Variants in OSGIN2 observed in about 807,000 individuals in gnomAD.
OSGIN2 encodes oxidative stress-induced growth inhibitor 2.
In OSGIN2, 19 loss-of-function variants were observed where a neutral mutation model predicts 53.8. That is an observed-to-expected ratio of 0.35 (90% CI 0.25 to 0.52). The LOEUF is 0.52. Among genes scored for constraint, OSGIN2 ranks in the 20% least tolerant of loss-of-function variants. The probability of loss-of-function intolerance (pLI) is 0.95; values close to 1 mark genes in which losing one functional copy is unlikely to be tolerated. For missense variants in OSGIN2, 520 were observed against 662.7 expected (o/e 0.78, Z 2.36); for synonymous variants, 236 against 236.0 (o/e 1.00, Z 0.00).
chr8:89,914,981 C>A (rs530004077), intron 4 of OSGIN2, among the ~76,000 whole-genome samples: 1 of 152,100 alleles, frequency 6.6e-6, no homozygotes, highest in Non-Finnish European at 1.5e-5. Flanking sequence ...TACTATCTTA[C>A]AAGAATTATG....
Position 89,909,554 on chromosome 8 carries a change from T to C in OSGIN2, c.45-13T>C, listed in dbSNP as rs1411685460. 1 of 1,425,430 alleles carries C rather than the reference T, an allele frequency of 7.0e-7. No homozygotes were observed. The highest frequency in any genetic ancestry group is 1.5e-5 in the South Asian group (1 of 68,886). 88.3% of individuals were successfully genotyped at this position (1,425,430 alleles called of 1,614,324 possible). On this transcript the variant is annotated splice_polypyrimidine_tract_variant and intron_variant, in intron 1 of 5. Transcript: ENST00000451899. The stretch of plus-strand genomic sequence containing the variant: ...CTATATCTCTTTTTATTCCCCCTTT[T>C]TTTTTTTTAAAGAAACTATAGTGAC...
intron 1 of OSGIN2, among the ~76,000 whole-genome samples, chr8:89,904,226 A>T (rs1808789543): frequency 6.6e-6 from 1 of 152,244 alleles, no homozygotes; most frequent in Non-Finnish European, 1.5e-5. Flanking sequence ...CCCTAGTGAA[A>T]CTTGTTAAAC....
chr8:89,908,332 G>A (rs1200368528), intron 1 of OSGIN2, among the ~76,000 whole-genome samples: 1 of 152,118 alleles, frequency 6.6e-6, no homozygotes, highest in Non-Finnish European at 1.5e-5. Flanking sequence ...CCAAATATTT[G>A]GGGTACAGGT....
intron 1 of OSGIN2, among the ~76,000 whole-genome samples, chr8:89,904,894 TGA>T (rs1808802934): frequency 8.5e-5 from 13 of 152,196 alleles, no homozygotes; most frequent in Admixed American, 8.5e-4. Flanking sequence ...GGATAAGTAG[TGA>T]GAGAACTGTC....
chr8:89,907,446 A>G (rs1808863281), intron 1 of OSGIN2, among the ~76,000 whole-genome samples: 1 of 152,170 alleles, frequency 6.6e-6, no homozygotes, highest in Non-Finnish European at 1.5e-5. Flanking sequence ...TGTATGTGGT[A>G]TAAGGAAGGT....
In OSGIN2 at chr8:89,926,145, T is replaced by G. The variant is rs1809327693; in HGVS notation, c.*613T>G. The G allele has an allele frequency of 6.6e-6, 1 of 152,220 alleles. No homozygotes were observed. The highest frequency in any genetic ancestry group is 2.4e-5 in the African/African-American group (1 of 41,450). The allele number at this position is 152,220 out of a possible 1,614,324, so 9.4% of individuals were successfully genotyped here. On this transcript the variant is annotated 3_prime_UTR_variant, in exon 6 of 6. Transcript: ENST00000451899. The stretch of plus-strand genomic sequence containing the variant: ...GTAGGAGGCATTTACAACTCAGATT[T>G]TATTTATTTTGAAATTATCAATTGT...
chr8:89,903,590 T>C (rs1181574281), intron 1 of OSGIN2, among the ~76,000 whole-genome samples: 1 of 152,206 alleles, frequency 6.6e-6, no homozygotes, highest in African/African-American at 2.4e-5. Flanking sequence ...TGGTAAAATA[T>C]GAAATTTTGA....
intron 4 of OSGIN2, among the ~76,000 whole-genome samples, chr8:89,916,669 C>T (rs1292043824): frequency 6.6e-6 from 1 of 152,192 alleles, no homozygotes; most frequent in Non-Finnish European, 1.5e-5. Context: ...GATCTAGTTT[C>T]TCATCACTCT....
At position 89,909,730 on chromosome 8, in the gene OSGIN2, T is replaced by C. The variant is rs760274725; in HGVS notation, c.199+9T>C. 19 of 1,557,390 alleles carry C rather than the reference T, an allele frequency of 1.2e-5. No individual in the cohort carries two copies. The highest frequency in any genetic ancestry group is 3.5e-5 in the Admixed American group (2 of 57,704). The stretch of plus-strand genomic sequence containing the variant: ...TCCTGTGGTAATAATAGGTAAGTTA[T>C]TGTATTTTATCTTTTAAAATTATAG... On this transcript the variant is annotated intron_variant, in intron 2 of 5. Transcript: ENST00000451899.
intron 4 of OSGIN2, among the ~76,000 whole-genome samples, chr8:89,919,063 A>G (rs6986890): frequency 0.095 from 14,489 of 152,244 alleles, 2,174 homozygotes; most frequent in African/African-American, 0.32. Flanking sequence ...CTCTCCATCT[A>G]ACATATAGTA....
intron 1 of OSGIN2, among the ~76,000 whole-genome samples, chr8:89,904,555 C>T (rs1444648972): frequency 2.6e-5 from 4 of 152,014 alleles, no homozygotes; most frequent in African/African-American, 4.8e-5. Flanking sequence ...TTTACCAGCT[C>T]CTTCAGGAAT....
chr8:89,903,779 C>T (rs1808780606), intron 1 of OSGIN2, among the ~76,000 whole-genome samples: 1 of 152,186 alleles, frequency 6.6e-6, no homozygotes, highest in Non-Finnish European at 1.5e-5. Context: ...GTTTATATCA[C>T]ATTGCAGTTA....
chr8:89,906,579 C>T (rs1468557157), intron 1 of OSGIN2, among the ~76,000 whole-genome samples: 1 of 151,620 alleles, frequency 6.6e-6, no homozygotes, highest in Non-Finnish European at 1.5e-5. Flanking sequence ...GGGCCTCCAG[C>T]TCCATCTATG....
intron 1 of OSGIN2, among the ~76,000 whole-genome samples, chr8:89,904,693 G>C (rs1366033914): frequency 6.6e-6 from 1 of 152,124 alleles, no homozygotes; most frequent in Non-Finnish European, 1.5e-5. Flanking sequence ...GTGTGCACCT[G>C]TAATCCCAGC....
rs1809276417 is a variant in OSGIN2 at position 89,924,638 on chromosome 8, A to T, written c.756A>T (p.Gln252His). Residue 252 changes from glutamine to histidine, a missense_variant, in exon 6 of 6, where the codon CAA becomes CAT. Transcript: ENST00000451899. ...CCGTATCAAGACTCTACAGAGATCA[A>T]GATGATGATGATATTCAAGACAGAG... is the stretch of plus-strand genomic sequence containing the variant. ...ITSVSRLYRD[Q>H]DDDDIQDRDI... 3.1e-6 allele frequency: 5 copies of T among 1,613,904 alleles called. No homozygotes were observed. Among genetic ancestry groups the T allele is most frequent in the South Asian group, 1.1e-5 (1 of 91,084 alleles).
Position 89,925,579 on chromosome 8 carries a change from T to C in OSGIN2, c.*47T>C. 6.7e-7 allele frequency: 1 copy of C among 1,484,992 alleles called. No homozygotes were observed. The highest frequency in any genetic ancestry group is 1.2e-5 in the South Asian group (1 of 82,296). 92.0% of individuals were successfully genotyped at this position (1,484,992 alleles called of 1,614,324 possible). Reference sequence around the variant, plus strand: ...AATGGACAGTTTGCCATTAAAGATTTTTAATAGTGGTTTTGCAGTGTACTG... The same window carrying C: ...AATGGACAGTTTGCCATTAAAGATTCTTAATAGTGGTTTTGCAGTGTACTG... On this transcript the variant is annotated 3_prime_UTR_variant, in exon 6 of 6. Transcript: ENST00000451899.
chr8:89,909,674 C>A lies in OSGIN2; in HGVS notation c.152C>A (p.Thr51Asn). ...AAAGCGATGCCATTAGTTGAAGAAA[C>A]TTCTTTACTGGAAGATTCGTCAGTG... ...KVKAMPLVEETSLLEDSSVTF... is the reference protein window; with the variant it reads ...KVKAMPLVEENSLLEDSSVTF... The change falls in exon 2 of 6, where the codon ACT becomes AAT. Residue 51 changes from threonine to asparagine, a missense_variant. Physicochemically the swap from Thr to Asn is moderately conservative, Grantham distance 65 (BLOSUM62 0). Transcript: ENST00000451899. The A allele has an allele frequency of 6.2e-7, 1 of 1,609,832 alleles. No individual in the cohort carries two copies.
In OSGIN2 at chr8:89,916,648, G is replaced by T. The variant is rs958952215; in HGVS notation, c.528+1902G>T. On this transcript the variant is annotated intron_variant, in intron 4 of 5. Coordinates refer to ENST00000451899, the MANE Select transcript of OSGIN2 (RefSeq NM_001126111.3). ...CCTACTTAGCTTCATATAGTTCTCT[G>T]TTTCTCTTGTGATCTAGTTTCTCAT... 4.6e-5 allele frequency among the ~76,000 whole-genome samples: 7 copies of T among 152,254 alleles called. No homozygotes were observed. The South Asian group carries it at 1.2e-3, about 27-fold the overall frequency.
rs201460887 is a variant in OSGIN2, at chr8:89,909,562, T to TA, written c.45-2dup. On this transcript the variant is annotated splice_polypyrimidine_tract_variant and splice_region_variant and intron_variant, in intron 1 of 5. Coordinates refer to ENST00000451899, the MANE Select transcript of OSGIN2 (RefSeq NM_001126111.3). ...CTTTTTATTCCCCCTTTTTTTTTTT[T>TA]AAAGAAACTATAGTGACACTGAAAC... The TA allele has an allele frequency of 2.1e-6, 3 of 1,417,248 alleles. No individual in the cohort carries two copies. The highest frequency in any genetic ancestry group is 2.4e-5 in the Admixed American group (1 of 41,264). The allele number at this position is 1,417,248 out of a possible 1,614,324, so 87.8% of individuals were successfully genotyped here. A position where few individuals can be genotyped will look rare whatever the true frequency, so the allele number is the denominator to read the frequency against.
Sources: allele counts gnomAD v4.1 joint callset (sites outside exome capture counted in the v4.1 genomes callset), GRCh38; gene constraint gnomAD v4.1.1; transcripts MANE v1.5; gene names NCBI Gene and HGNC (gene_info 2026-07-23, HGNC 2026-07-21).